PPIL4: variants seen among roughly 807,000 people sequenced by gnomAD.
The protein encoded by PPIL4 is peptidylprolyl isomerase like 4.
Under a neutral mutation model 69.1 loss-of-function variants are expected in PPIL4, and 50 were observed. The observed-to-expected ratio is 0.72, with a 90% CI of 0.58 to 0.92. The LOEUF (loss-of-function observed/expected upper bound fraction) is 0.92. Ranked by LOEUF, PPIL4 falls within the 40% of genes least tolerant of loss-of-function variation. The pLI is 0.00. For missense variants in PPIL4, 480 were observed against 587.9 expected (o/e 0.82, Z 1.90); for synonymous variants, 193 against 191.6 (o/e 1.01, Z -0.06).
At chr6:149,534,125 A>G (rs1356662943) in intron 6 of PPIL4, among the ~76,000 whole-genome samples, 1 of 152,214 alleles carries the variant, frequency 6.6e-6, no homozygotes, top group African/African-American at 2.4e-5. Context: ...CACGCACTCC[A>G]GCCTAGGCAA....
intron 12 of PPIL4, among the ~76,000 whole-genome samples, chr6:149,511,896 A>G (rs1264880452): frequency 6.6e-6 from 1 of 152,234 alleles, no homozygotes; most frequent in African/African-American, 2.4e-5. Flanking sequence ...GAGTATCCAC[A>G]GGTACGGAAA....
intron 7 of PPIL4, 96 bp from the exon 8 acceptor site, chr6:149,526,872 T>A: frequency 8.4e-7 from 1 of 1,190,574 alleles, no homozygotes. Context: ...TTAAAACATC[T>A]AAATTTATGT....
intron 9 of PPIL4, 98 bp downstream of exon 9, chr6:149,525,045 G>A (rs749715882): frequency 1.0e-5 from 6 of 581,748 alleles, no homozygotes; most frequent in African/African-American, 1.9e-5. Context: ...CAAAAGAAAG[G>A]GCAACTCTAG....
At chr6:149,535,534 C>T (rs999997631) in intron 5 of PPIL4, 62 bp downstream of exon 5, 27 of 1,330,878 alleles carry the variant, frequency 2.0e-5, no homozygotes, top group Middle Eastern at 2.6e-4. Context: ...CATACCACTA[C>T]GTGTTAAACA....
At chr6:149,529,590 G>C (rs1024248657) in intron 7 of PPIL4, among the ~76,000 whole-genome samples, 2 of 150,880 alleles carry the variant, frequency 1.3e-5, no homozygotes, top group Non-Finnish European at 1.5e-5. Flanking sequence ...GTGAAACCTC[G>C]TCTCTACTAA....
intron 11 of PPIL4, among the ~76,000 whole-genome samples, chr6:149,512,562 T>C (rs1228420303): frequency 6.6e-6 from 1 of 152,128 alleles, no homozygotes; most frequent in East Asian, 1.9e-4. Flanking sequence ...ATAAACGTAT[T>C]TGTCAATAAT....
Position 149,526,868 on chromosome 6 carries a change from C to T in PPIL4, c.679-92G>A, listed in dbSNP as rs1054451941. ...TCCCACAATGCTGATTTCCTTAAAA[C>T]ATCTAAATTTATGTTACAAACTGCA... On this transcript the variant is annotated intron_variant, in intron 7 of 12. Transcript: ENST00000253329. The T allele has an allele frequency of 7.2e-6, 9 of 1,250,468 alleles. No homozygotes were observed. The African/African-American group carries it at 1.1e-4, about 15-fold the overall frequency. 77.5% of individuals were successfully genotyped at this position (1,250,468 alleles called of 1,614,324 possible). A position where few individuals can be genotyped will look rare whatever the true frequency, so the allele number is the denominator to read the frequency against.
chr6:149,522,130 G>A (rs911159949), intron 9 of PPIL4, among the ~76,000 whole-genome samples: 6 of 152,248 alleles, frequency 3.9e-5, no homozygotes, highest in East Asian at 1.9e-4. Flanking sequence ...TATCTAAAAC[G>A]TAGGCAATCA....
At chr6:149,520,425 A>G (rs967187154) in intron 10 of PPIL4, among the ~76,000 whole-genome samples, 10 of 152,188 alleles carry the variant, frequency 6.6e-5, no homozygotes, top group African/African-American at 2.4e-4. Flanking sequence ...TGTGCACCTA[A>G]AAGACTCAAA....
Position 149,504,855 on chromosome 6 carries a change from AGAAT to A in PPIL4, c.*594_*597del, listed in dbSNP as rs1364994320. 2.6e-5 allele frequency: 4 copies of A among 152,286 alleles called. No homozygotes were observed. Among genetic ancestry groups the A allele is most frequent in the Non-Finnish European group, 4.4e-5 (3 of 68,064 alleles). The allele number at this position is 152,286 out of a possible 1,614,324, so 9.4% of individuals were successfully genotyped here. A position where few individuals can be genotyped will look rare whatever the true frequency, so the allele number is the denominator to read the frequency against. ...ATAAACAAAACTCAAATGTCCATCA[AGAAT>A]GAATAAGTTGTAGTATATTTATATA... is the stretch of plus-strand genomic sequence containing the variant. On this transcript the variant is annotated 3_prime_UTR_variant, in exon 13 of 13. Transcript: ENST00000253329.
intron 12 of PPIL4, among the ~76,000 whole-genome samples, chr6:149,511,661 T>C (rs1310236216): frequency 6.6e-6 from 1 of 152,166 alleles, no homozygotes; most frequent in Non-Finnish European, 1.5e-5. Context: ...TTGGGGAATT[T>C]TTATTATTTT....
chr6:149,535,314 C>G (rs942174752), intron 5 of PPIL4, among the ~76,000 whole-genome samples: 11 of 152,126 alleles, frequency 7.2e-5, no homozygotes, highest in Admixed American at 1.3e-4. Flanking sequence ...CAAGATCGCG[C>G]CACTGCACTC....
intron 10 of PPIL4, 26 bp downstream of exon 10, chr6:149,521,034 C>T (rs781011997): frequency 8.5e-7 from 1 of 1,172,878 alleles, no homozygotes; most frequent in Non-Finnish European, 1.2e-6. Context: ...AAAAGCAGAA[C>T]AAAAACAAAA....
chr6:149,538,989 G>C (rs1011828693), intron 4 of PPIL4, among the ~76,000 whole-genome samples: 2 of 152,126 alleles, frequency 1.3e-5, no homozygotes. Flanking sequence ...TGGGACTACT[G>C]GCGCCTGCCA....
In PPIL4 at chr6:149,530,824, T is replaced by C. The variant is rs76813667; in HGVS notation, c.678+2634A>G. Among the ~76,000 whole-genome samples, 407 of 152,190 alleles carry C rather than the reference T, an allele frequency of 2.7e-3. 2 individuals carry two copies. The highest frequency in any genetic ancestry group is 9.1e-3 in the African/African-American group (379 of 41,518). On this transcript the variant is annotated intron_variant, in intron 7 of 12. Transcript: ENST00000253329. ...GAATCATGAATGGCTGAGAAATTTA[T>C]GGGGGAAATTTGACAAGGAACAAGA... is the stretch of plus-strand genomic sequence containing the variant.
chr6:149,513,333 C>T (rs1469045168), intron 11 of PPIL4, among the ~76,000 whole-genome samples: 4 of 125,668 alleles, frequency 3.2e-5, no homozygotes, highest in Non-Finnish European at 6.3e-5. Flanking sequence ...TTTTGTGAGC[C>T]GAGGTTGCAC....
chr6:149,537,125 CAAAA>C (rs767886058), intron 4 of PPIL4, among the ~76,000 whole-genome samples: 3 of 91,558 alleles, frequency 3.3e-5, no homozygotes, highest in Non-Finnish European at 4.7e-5. Context: ...GAATCTGTCT[CAAAA>C]AAAAAAAAAA....
At chr6:149,545,870 G>A (rs1777432657) in intron 1 of PPIL4, 66 bp downstream of exon 1, 1 of 1,444,650 alleles carries the variant, frequency 6.9e-7, no homozygotes, top group East Asian at 2.5e-5. Context: ...GGACTGCGCA[G>A]AGAAGGGAAA....
At chr6:149,539,033 G>A (rs1777321392) in intron 4 of PPIL4, among the ~76,000 whole-genome samples, 1 of 152,102 alleles carries the variant, frequency 6.6e-6, no homozygotes, top group Non-Finnish European at 1.5e-5. Flanking sequence ...TTTTAGTAGA[G>A]ACGGGGTTTC....
Sources: allele counts gnomAD v4.1 joint callset (sites outside exome capture counted in the v4.1 genomes callset), GRCh38; gene constraint gnomAD v4.1.1; transcripts MANE v1.5; gene names NCBI Gene and HGNC (gene_info 2026-07-23, HGNC 2026-07-21).